Variants in TXNRD1 observed in about 807,000 individuals in gnomAD.
The protein encoded by TXNRD1 is thioredoxin reductase 1, cytoplasmic.
In TXNRD1, 57 loss-of-function variants were observed where a neutral mutation model predicts 80.3. The observed-to-expected ratio is 0.71, with a 90% CI of 0.57 to 0.89. The LOEUF is 0.89. Ranked by LOEUF, TXNRD1 falls within the 40% of genes least tolerant of loss-of-function variation. The pLI is 0.00. For synonymous variants in TXNRD1, 291 were observed against 285.2 expected (o/e 1.02, Z -0.20); for missense variants, 730 against 803.0 (o/e 0.91, Z 1.10).
intron 1 of TXNRD1, among the ~76,000 whole-genome samples, chr12:104,240,539 G>A (rs1319780057): frequency 2.0e-5 from 3 of 152,196 alleles, no homozygotes; most frequent in African/African-American, 7.2e-5. Flanking sequence ...AATTGTGAGA[G>A]TTATTGGTCT....
intron 3 of TXNRD1, among the ~76,000 whole-genome samples, chr12:104,270,438 A>G (rs558711812): frequency 3.9e-5 from 6 of 152,314 alleles, no homozygotes; most frequent in African/African-American, 9.6e-5. Flanking sequence ...AATGAGCAGT[A>G]ATATTTTCAA....
chr12:104,310,296 C>T (rs1169875659), intron 4 of TXNRD1, among the ~76,000 whole-genome samples: 1 of 151,992 alleles, frequency 6.6e-6, no homozygotes, highest in Non-Finnish European at 1.5e-5. Flanking sequence ...ATTACAGGCA[C>T]CCGCCACTAC....
At chr12:104,338,863 C>G (rs1430113362) in intron 15 of TXNRD1, among the ~76,000 whole-genome samples, 3 of 151,916 alleles carry the variant, frequency 2.0e-5, no homozygotes, top group Non-Finnish European at 4.4e-5. Flanking sequence ...ACTACAGGCA[C>G]CCGCCACCAC....
Position 104,294,239 on chromosome 12 carries a change from C to CCCT in TXNRD1, c.414+5201_414+5202insTCC, listed in dbSNP as rs2034350348. On this transcript the variant is annotated intron_variant, in intron 4 of 16. Coordinates refer to ENST00000525566, the MANE Select transcript of TXNRD1 (RefSeq NM_001093771.3). ...TAAACTCCCCCGGGGAAAGGCCCCC[C>CCCT]CCCCCGCCGCCGGCTTTCCCGGTCT... Among the ~76,000 whole-genome samples, 4 of 123,034 alleles carry CCCT rather than the reference C, an allele frequency of 3.3e-5. 1 individual carries two copies. Among genetic ancestry groups the CCCT allele is most frequent in the Admixed American group, 2.4e-4 (3 of 12,628 alleles). The allele number at this position is 123,034 out of a possible 152,430, so 80.7% of individuals were successfully genotyped here.
At chr12:104,250,800 G>A (rs2033101939) in intron 1 of TXNRD1, among the ~76,000 whole-genome samples, 1 of 152,090 alleles carries the variant, frequency 6.6e-6, no homozygotes, top group Non-Finnish European at 1.5e-5. Flanking sequence ...CTTGAACTTG[G>A]TTTATTCATG....
intron 4 of TXNRD1, 47 bp downstream of exon 4, chr12:104,289,087 A>T: frequency 6.3e-7 from 1 of 1,584,088 alleles, no homozygotes; most frequent in Non-Finnish European, 8.6e-7. Flanking sequence ...GAGCTCGTTG[A>T]GCTCAGCGTG....
chr12:104,278,243 C>G (rs1348462678), intron 3 of TXNRD1, among the ~76,000 whole-genome samples: 2 of 140,122 alleles, frequency 1.4e-5, no homozygotes, highest in Non-Finnish European at 3.0e-5. Context: ...CTCTGTCGCC[C>G]AGGCTGGAGT....
At chr12:104,297,851 C>T (rs1031971146) in intron 4 of TXNRD1, among the ~76,000 whole-genome samples, 4 of 152,194 alleles carry the variant, frequency 2.6e-5, no homozygotes, top group Non-Finnish European at 4.4e-5. Context: ...TCTTACCCTC[C>T]CTGTCTATCA....
At chr12:104,262,418 G>A (rs1419383549) in intron 3 of TXNRD1, 1 of 152,086 alleles carries the variant, frequency 6.6e-6, no homozygotes, top group Non-Finnish European at 1.5e-5. Context: ...TCATGTCTTC[G>A]AGGAGCTTGT....
intron 3 of TXNRD1, among the ~76,000 whole-genome samples, chr12:104,275,051 G>T (rs892742409): frequency 1.3e-5 from 2 of 152,194 alleles, no homozygotes; most frequent in African/African-American, 2.4e-5. Flanking sequence ...AATGCAGAAT[G>T]CAGGCACTAA....
chr12:104,327,942 C>G (rs1191419871), intron 13 of TXNRD1, among the ~76,000 whole-genome samples: 5 of 151,898 alleles, frequency 3.3e-5, no homozygotes, highest in Non-Finnish European at 7.4e-5. Flanking sequence ...AGGCAGATCA[C>G]CAGGTCAGGA....
chr12:104,277,119 C>T (rs558862691), intron 3 of TXNRD1, among the ~76,000 whole-genome samples: 4 of 151,034 alleles, frequency 2.6e-5, no homozygotes, highest in Admixed American at 6.6e-5. Context: ...AGGCCGGGTG[C>T]GGTGGCTCAT....
intron 16 of TXNRD1, among the ~76,000 whole-genome samples, chr12:104,340,866 T>C (rs2036301121): frequency 6.6e-6 from 1 of 152,200 alleles, no homozygotes; most frequent in Non-Finnish European, 1.5e-5. Flanking sequence ...TTTAAAAATG[T>C]AGATGCCATT....
At chr12:104,308,630 T>TCTG in intron 4 of TXNRD1, among the ~76,000 whole-genome samples, 1 of 152,278 alleles carries the variant, frequency 6.6e-6, no homozygotes, top group Middle Eastern at 3.4e-3. Context: ...CTGTTTAAGA[T>TCTG]TGTAAAGGAG....
chr12:104,285,301 C>T (rs1007929536), intron 3 of TXNRD1, among the ~76,000 whole-genome samples: 7 of 152,116 alleles, frequency 4.6e-5, no homozygotes, highest in Non-Finnish European at 8.8e-5. Context: ...CTAGAATTCA[C>T]GACAAGGGTA....
At chr12:104,262,157 A>G (rs906687631) in intron 3 of TXNRD1, among the ~76,000 whole-genome samples, 2 of 147,228 alleles carry the variant, frequency 1.4e-5, no homozygotes, top group African/African-American at 5.1e-5. Flanking sequence ...GCTTGAACGC[A>G]GGAGGCGGAG....
chr12:104,283,661 G>A (rs1408182231), intron 3 of TXNRD1, among the ~76,000 whole-genome samples: 2 of 151,832 alleles, frequency 1.3e-5, no homozygotes, highest in Non-Finnish European at 2.9e-5. Context: ...ACCTGTAGTT[G>A]GGAGTTGGAG....
intron 5 of TXNRD1, among the ~76,000 whole-genome samples, chr12:104,311,966 A>G (rs1042806073): frequency 6.6e-6 from 1 of 151,888 alleles, no homozygotes; most frequent in Admixed American, 6.6e-5. Context: ...GGTCAACAGG[A>G]GCAAAACTCT....
At position 104,334,371 on chromosome 12, in the gene TXNRD1, AGTT is replaced by A. The variant is rs778209528; in HGVS notation, c.1746+46_1746+48del. ...TCAATCCTTTCCAGTAATTTTATTT[AGTT>A]GTTGTTTTTTGTTGTTGTTTTTTTT... On this transcript the variant is annotated intron_variant, in intron 15 of 16. Transcript: ENST00000525566. 20 of 1,280,108 alleles carry A rather than the reference AGTT, an allele frequency of 1.6e-5. No homozygotes were observed. The East Asian group carries it at 5.1e-4, about 33-fold the overall frequency. 79.3% of individuals were successfully genotyped at this position (1,280,108 alleles called of 1,614,324 possible).
Sources: gnomAD v4.1 joint callset for allele counts (sites outside exome capture counted in the v4.1 genomes callset) on GRCh38, gnomAD v4.1.1 for gene constraint, MANE v1.5 for transcripts, NCBI Gene and HGNC (gene_info 2026-07-23, HGNC 2026-07-21) for gene names.